The following CDH13 variants were observed in gnomAD, a reference collection of about 807,000 sequenced individuals.
CDH13 encodes cadherin 13.
A neutral mutation model predicts 63.8 loss-of-function variants in CDH13; 24 were observed. The observed-to-expected ratio is 0.38, with a 90% CI of 0.27 to 0.53. The LOEUF is 0.53. Among genes scored for constraint, CDH13 ranks in the 20% least tolerant of loss-of-function variants. CDH13 has a pLI of 0.85. For synonymous variants in CDH13, 503 were observed against 355.3 expected (o/e 1.42, Z -4.67); for missense variants, 1,049 against 903.1 (o/e 1.16, Z -2.07).
intron 2 of CDH13, among the ~76,000 whole-genome samples, chr16:82,939,013 G>C (rs935269271): frequency 2.0e-5 from 3 of 152,200 alleles, no homozygotes; most frequent in African/African-American, 7.2e-5. Flanking sequence ...TTCAGGCACA[G>C]AACTGCACAT....
At chr16:83,217,817 C>G (rs760616482) in intron 5 of CDH13, among the ~76,000 whole-genome samples, 1 of 152,102 alleles carries the variant, frequency 6.6e-6, no homozygotes, top group Non-Finnish European at 1.5e-5. Context: ...GCTTGATGAT[C>G]TAGAGCTGGA....
intron 5 of CDH13, among the ~76,000 whole-genome samples, chr16:83,296,357 C>G (rs2089596822): frequency 1.3e-5 from 2 of 152,112 alleles, no homozygotes; most frequent in Non-Finnish European, 2.9e-5. Flanking sequence ...ATGATGCATT[C>G]TGTTGTTAGT....
chr16:83,771,291 G>A (rs748217214), intron 11 of CDH13, among the ~76,000 whole-genome samples: 1 of 152,174 alleles, frequency 6.6e-6, no homozygotes, highest in African/African-American at 2.4e-5. Flanking sequence ...AGTAACCCAG[G>A]CAGGCCAGGT....
chr16:82,819,384 G>A (rs2037886741), intron 1 of CDH13, among the ~76,000 whole-genome samples: 1 of 152,112 alleles, frequency 6.6e-6, no homozygotes. Context: ...AACAAATGCT[G>A]GAATTACTAT....
chr16:82,813,714 C>T (rs2037562814), intron 1 of CDH13, among the ~76,000 whole-genome samples: 1 of 152,152 alleles, frequency 6.6e-6, no homozygotes, highest in African/African-American at 2.4e-5. Flanking sequence ...AAAGATTCGG[C>T]ACTGAAAGAA....
At chr16:83,553,591 C>T (rs908826379) in intron 7 of CDH13, among the ~76,000 whole-genome samples, 1 of 152,138 alleles carries the variant, frequency 6.6e-6, no homozygotes, top group African/African-American at 2.4e-5. Flanking sequence ...GAGTATCGCT[C>T]TGTCGCCCAG....
rs80115358 is a variant in CDH13 at position 83,379,447 on chromosome 16, T to C, written c.781+34441T>C. Among the ~76,000 whole-genome samples the C allele has an allele frequency of 8.2e-3, 1,245 of 152,242 alleles. 54 individuals are homozygous for C. In the East Asian group the frequency reaches 0.12, roughly 15 times the overall value. ...GTAAGGTTATTGAATAGAATAGAAT[T>C]ATATATTTATGTTTACCTTTGCCTA... On this transcript the variant is annotated intron_variant, in intron 6 of 13. Transcript: ENST00000567109.
chr16:83,752,357 C>G (rs145246172), intron 11 of CDH13, among the ~76,000 whole-genome samples: 1 of 152,112 alleles, frequency 6.6e-6, no homozygotes, highest in Non-Finnish European at 1.5e-5. Context: ...GCGTATATAC[C>G]GTGTCCCGAA....
chr16:83,556,121 T>C (rs191252125), intron 7 of CDH13, among the ~76,000 whole-genome samples: 234 of 152,330 alleles, frequency 1.5e-3, no homozygotes, highest in Non-Finnish European at 2.1e-3. Flanking sequence ...AGTTAGTCTT[T>C]CATGTTGTGT....
intron 2 of CDH13, among the ~76,000 whole-genome samples, chr16:82,933,313 G>A (rs2042557947): frequency 1.3e-5 from 2 of 152,138 alleles, no homozygotes; most frequent in African/African-American, 2.4e-5. Flanking sequence ...GAGCAAAGGG[G>A]AGAAAAGCCC....
chr16:83,403,110 C>T (rs566703847), intron 6 of CDH13, among the ~76,000 whole-genome samples: 46 of 152,050 alleles, frequency 3.0e-4, no homozygotes, highest in Admixed American at 1.1e-3. Flanking sequence ...TAGCTCATGG[C>T]GCAGGTTAGC....
chr16:83,479,520 A>G (rs896354398), intron 6 of CDH13, among the ~76,000 whole-genome samples: 8 of 152,122 alleles, frequency 5.3e-5, no homozygotes, highest in Admixed American at 1.3e-4. Flanking sequence ...AGCCGGGCGT[A>G]GTGGCAGACA....
At chr16:82,963,005 T>A (rs1445634213) in intron 2 of CDH13, among the ~76,000 whole-genome samples, 4 of 152,180 alleles carry the variant, frequency 2.6e-5, no homozygotes, top group African/African-American at 4.8e-5. Flanking sequence ...AATTAACAAA[T>A]GATCATTTGT....
chr16:83,140,703 C>T (rs1430415647), intron 4 of CDH13, among the ~76,000 whole-genome samples: 4 of 152,168 alleles, frequency 2.6e-5, no homozygotes, highest in Non-Finnish European at 5.9e-5. Context: ...GATCCACCCG[C>T]CTGGGCCTCC....
At chr16:83,438,980 G>A (rs8060761) in intron 6 of CDH13, among the ~76,000 whole-genome samples, 42,954 of 151,920 alleles carry the variant, frequency 0.28, 6,112 homozygotes, top group East Asian at 0.44. Context: ...AGAGCACCTG[G>A]CATAGTTTTT....
intron 5 of CDH13, among the ~76,000 whole-genome samples, chr16:83,233,392 C>G (rs971032172): frequency 1.3e-5 from 2 of 152,220 alleles, no homozygotes; most frequent in Admixed American, 1.3e-4. Context: ...TGTGCTGACT[C>G]AACGAGTAGG....
intron 8 of CDH13, among the ~76,000 whole-genome samples, chr16:83,654,465 G>C (rs1249278166): frequency 2.6e-5 from 4 of 151,984 alleles, no homozygotes; most frequent in African/African-American, 9.7e-5. Flanking sequence ...CAATGTGCAA[G>C]AAAGGACCCA....
intron 1 of CDH13, among the ~76,000 whole-genome samples, chr16:82,672,531 C>A (rs1913376243): frequency 6.6e-6 from 1 of 151,982 alleles, no homozygotes; most frequent in Admixed American, 6.6e-5. Flanking sequence ...CGTCCAGTAT[C>A]ATTCTTGGCT....
In CDH13 at chr16:83,474,556, C is replaced by T. The variant is rs117814452; in HGVS notation, c.782-11921C>T. Among the ~76,000 whole-genome samples, 272 of 152,262 alleles carry T rather than the reference C, an allele frequency of 1.8e-3. 6 individuals carry two copies. The East Asian group carries it at 0.033, about 19-fold the overall frequency. ...GTTTGCTCAACCTCATTCTCATGTA[C>T]GGCCCACATCTGGTGGGTCCCACCA... On this transcript the variant is annotated intron_variant, in intron 6 of 13. Coordinates refer to ENST00000567109, the MANE Select transcript of CDH13 (RefSeq NM_001257.5).
Sources: gnomAD v4.1 joint callset for allele counts (sites outside exome capture counted in the v4.1 genomes callset) on GRCh38, gnomAD v4.1.1 for gene constraint, MANE v1.5 for transcripts, NCBI Gene and HGNC (gene_info 2026-07-23, HGNC 2026-07-21) for gene names.